Variants in SEZ6L observed in about 807,000 individuals in gnomAD.
SEZ6L encodes the protein seizure 6-like protein.
Under a neutral mutation model 106.2 loss-of-function variants are expected in SEZ6L, and 37 were observed. The observed-to-expected ratio is 0.35, with a 90% CI of 0.27 to 0.46. The LOEUF (loss-of-function observed/expected upper bound fraction) is 0.46, where lower values mean the gene tolerates loss of function less well. Among genes scored for constraint, SEZ6L ranks in the 20% least tolerant of loss-of-function variants. The pLI is 1.00. For missense variants in SEZ6L, 1,172 were observed against 1,332.8 expected, an observed-to-expected ratio of 0.88 and a Z score of 1.88; for synonymous variants, 541 against 570.4, an observed-to-expected ratio of 0.95 and a Z score of 0.73.
At chr22:26,174,921 G>T in intron 1 of SEZ6L, among the ~76,000 whole-genome samples, 1 of 152,204 alleles carries the variant, frequency 6.6e-6, no homozygotes. Context: ...TCTCACAATA[G>T]CCCATGAGAG....
At chr22:26,247,459 A>G (rs1042622098) in intron 1 of SEZ6L, among the ~76,000 whole-genome samples, 1 of 152,170 alleles carries the variant, frequency 6.6e-6, no homozygotes, top group Non-Finnish European at 1.5e-5. Flanking sequence ...AATGACTGGT[A>G]TCTTCCTAAG....
chr22:26,176,709 G>A (rs778026084), intron 1 of SEZ6L, among the ~76,000 whole-genome samples: 13 of 152,110 alleles, frequency 8.5e-5, no homozygotes, highest in South Asian at 2.1e-4. Context: ...GTTAAGACTC[G>A]TCAATATATG....
chr22:26,331,860 G>A (rs1246037310), intron 9 of SEZ6L, among the ~76,000 whole-genome samples: 1 of 152,096 alleles, frequency 6.6e-6, no homozygotes, highest in African/African-American at 2.4e-5. Context: ...GCACGTGCCT[G>A]TAATCCCAGT....
intron 3 of SEZ6L, among the ~76,000 whole-genome samples, chr22:26,294,754 A>G (rs965309695): frequency 2.1e-5 from 3 of 145,972 alleles, no homozygotes; most frequent in African/African-American, 7.6e-5. Flanking sequence ...ACACACACAC[A>G]CACGGAAGCT....
intron 6 of SEZ6L, among the ~76,000 whole-genome samples, chr22:26,307,621 C>T (rs1397126953): frequency 6.6e-6 from 1 of 152,074 alleles, no homozygotes; most frequent in East Asian, 1.9e-4. Flanking sequence ...GGCTCCCGAA[C>T]GTGGCTTTTT....
At chr22:26,178,858 T>C (rs1939200866) in intron 1 of SEZ6L, among the ~76,000 whole-genome samples, 1 of 152,156 alleles carries the variant, frequency 6.6e-6, no homozygotes, top group Admixed American at 6.5e-5. Flanking sequence ...GTTGCTGTTG[T>C]TACTGATGGA....
At chr22:26,186,861 T>A (rs1939816505) in intron 1 of SEZ6L, among the ~76,000 whole-genome samples, 1 of 152,178 alleles carries the variant, frequency 6.6e-6, no homozygotes, top group African/African-American at 2.4e-5. Context: ...TGGGAGTTTA[T>A]TCTCAGCTGT....
At chr22:26,367,117 TAA>T (rs1308972348) in intron 13 of SEZ6L, among the ~76,000 whole-genome samples, 1 of 152,094 alleles carries the variant, frequency 6.6e-6, no homozygotes, top group Non-Finnish European at 1.5e-5. Flanking sequence ...CATAACGAAC[TAA>T]AGTCTTTGAT....
chr22:26,313,723 TACAAATAAAGTC>T, intron 8 of SEZ6L, 29 bp from the exon 9 acceptor site: 1 of 1,590,400 alleles, frequency 6.3e-7, no homozygotes, highest in Non-Finnish European at 8.6e-7. Flanking sequence ...TTGACTTCTT[TACAAATAAAGTC>T]CGTCTTCTTG....
At chr22:26,340,728 G>A (rs1012709343) in intron 10 of SEZ6L, 96 bp downstream of exon 10, 7 of 990,486 alleles carry the variant, frequency 7.1e-6, no homozygotes, top group East Asian at 2.5e-5. Flanking sequence ...GTACTACAGC[G>A]ATTTTTCATT....
Position 26,377,737 on chromosome 22 carries a change from G to C in SEZ6L, c.3007G>C (p.Val1003Leu). Reference sequence around the variant, plus strand: ...CTCCCACCCCTACAGCCAGATCACCGTGGAAACCGAGTTTGACAACCCCAT... The same window carrying C: ...CTCCCACCCCTACAGCCAGATCACCCTGGAAACCGAGTTTGACAACCCCAT... ...MYSHPYSQIT[V>L]ETEFDNPIYE... Residue 1003 changes from valine to leucine, a missense_variant, in exon 16 of 17, where the codon GTG (valine) becomes CTG (leucine). Physicochemically the swap from Val to Leu is conservative, Grantham distance 32. Transcript: ENST00000248933. The C allele has an allele frequency of 1.2e-6, 2 of 1,613,904 alleles. No individual in the cohort carries two copies. Among genetic ancestry groups the C allele is most frequent in the Non-Finnish European group, 1.7e-6 (2 of 1,179,862 alleles).
Position 26,217,351 on chromosome 22 carries a change from G to T in SEZ6L, c.94+47588G>T, listed in dbSNP as rs535221785. On this transcript the variant is annotated intron_variant, in intron 1 of 16. Coordinates refer to ENST00000248933, the MANE Select transcript of SEZ6L (RefSeq NM_021115.5). Reference sequence around the variant, plus strand: ...GGTCCTGGCTATCTTCTGTATCAGTGACATCCTCCCTTTTTTCTTTCGGCC... The same window carrying T: ...GGTCCTGGCTATCTTCTGTATCAGTTACATCCTCCCTTTTTTCTTTCGGCC... Among the ~76,000 whole-genome samples the T allele has an allele frequency of 3.9e-5, 6 of 152,330 alleles. No homozygotes were observed. The East Asian group carries it at 1.2e-3, about 29-fold the overall frequency.
intron 9 of SEZ6L, among the ~76,000 whole-genome samples, chr22:26,332,274 C>T (rs564016768): frequency 1.9e-4 from 28 of 151,054 alleles, no homozygotes; most frequent in African/African-American, 6.6e-4. Context: ...CTCAGCCTCC[C>T]GAGTAGCTGG....
intron 12 of SEZ6L, among the ~76,000 whole-genome samples, chr22:26,354,914 G>A (rs2083392906): frequency 6.6e-6 from 1 of 152,220 alleles, no homozygotes; most frequent in South Asian, 2.1e-4. Context: ...CCAAAAGCCT[G>A]AAGAAGAGCC....
At chr22:26,209,999 A>AGGGAGAC in intron 1 of SEZ6L, among the ~76,000 whole-genome samples, 1 of 148,346 alleles carries the variant, frequency 6.7e-6, no homozygotes, top group African/African-American at 2.6e-5. Context: ...GGGAGGAAGG[A>AGGGAGAC]AGGAAGAAGG....
At chr22:26,186,430 G>T (rs1159968817) in intron 1 of SEZ6L, among the ~76,000 whole-genome samples, 1 of 152,168 alleles carries the variant, frequency 6.6e-6, no homozygotes, top group Admixed American at 6.5e-5. Context: ...TGCAGTGGGG[G>T]AGATTGGGCT....
In SEZ6L at chr22:26,174,179, T is replaced by C. The variant is rs1466641017; in HGVS notation, c.94+4416T>C. ...TATCAGACATCTATGGGACCTCACG[T>C]GGATGTGTTTAATTCTCACCAGGGG... On this transcript the variant is annotated intron_variant, in intron 1 of 16. Coordinates refer to ENST00000248933, the MANE Select transcript of SEZ6L (RefSeq NM_021115.5). Among the ~76,000 whole-genome samples, 10 of 152,166 alleles carry C rather than the reference T, an allele frequency of 6.6e-5. No individual in the cohort carries two copies. The East Asian group carries it at 1.9e-3, about 29-fold the overall frequency.
At chr22:26,170,012 C>T (rs950261419) in intron 1 of SEZ6L, among the ~76,000 whole-genome samples, 15 of 152,110 alleles carry the variant, frequency 9.9e-5, no homozygotes, top group African/African-American at 3.6e-4. Flanking sequence ...TCGGTCTTCC[C>T]CGGCTGCGGG....
chr22:26,197,306 T>C (rs985728176), intron 1 of SEZ6L, among the ~76,000 whole-genome samples: 1 of 152,244 alleles, frequency 6.6e-6, no homozygotes. Context: ...TAAATGCTCA[T>C]TGAAAACAAA....
Sources: allele counts gnomAD v4.1 joint callset (sites outside exome capture counted in the v4.1 genomes callset), GRCh38; gene constraint gnomAD v4.1.1; transcripts MANE v1.5; gene names NCBI Gene and HGNC (gene_info 2026-07-23, HGNC 2026-07-21).